KIAA1549L: variants seen among roughly 807,000 people sequenced by gnomAD.
KIAA1549L encodes UPF0606 protein KIAA1549L.
In KIAA1549L, 88 loss-of-function variants were observed where a neutral mutation model predicts 160.7. The observed-to-expected ratio is 0.55, with a 90% CI of 0.46 to 0.65. The LOEUF (loss-of-function observed/expected upper bound fraction) is 0.65. Among genes scored for constraint, KIAA1549L ranks in the 30% least tolerant of loss-of-function variants. The pLI is 0.00. For synonymous variants in KIAA1549L, 950 were observed against 976.7 expected (o/e 0.97, Z 0.51); for missense variants, 2,258 against 2,437.5 (o/e 0.93, Z 1.55).
chr11:33,543,325 G>C lies in KIAA1549L; in HGVS notation c.1762G>C (p.Glu588Gln). The change falls in exon 2 of 21, where the codon GAG becomes CAG. Residue 588 changes from glutamate (E) to glutamine (Q), a missense_variant. This residue lies in a region of KIAA1549L where 540 missense variants were observed against 465.7 expected (regional missense o/e 1.16). Coordinates refer to ENST00000658780, the MANE Select transcript of KIAA1549L (RefSeq NM_012194.3). ...TIPLQAFPRK[E>Q]VLSLHTVNGF... Reference sequence around the variant, plus strand: ...TCCTCTCCAGGCCTTTCCAAGGAAAGAGGTTTTGAGTCTTCACACTGTAAA... The same window carrying C: ...TCCTCTCCAGGCCTTTCCAAGGAAACAGGTTTTGAGTCTTCACACTGTAAA... 1.9e-6 allele frequency: 3 copies of C among 1,614,046 alleles called. No individual in the cohort carries two copies. Among genetic ancestry groups the C allele is most frequent in the East Asian group, 2.2e-5 (1 of 44,888 alleles).
chr11:33,381,318 C>A (rs937420758), intron 1 of KIAA1549L, among the ~76,000 whole-genome samples: 1 of 152,080 alleles, frequency 6.6e-6, no homozygotes, highest in Non-Finnish European at 1.5e-5. Flanking sequence ...CACACATGAA[C>A]TTGTCTAGAT....
chr11:33,508,209 G>A (rs552440915), intron 1 of KIAA1549L, among the ~76,000 whole-genome samples: 1 of 152,208 alleles, frequency 6.6e-6, no homozygotes, highest in Admixed American at 6.5e-5. Flanking sequence ...GGGAAGTGTA[G>A]TTTTTGGTTA....
At chr11:33,607,571 C>G (rs986900410) in intron 14 of KIAA1549L, among the ~76,000 whole-genome samples, 6 of 152,110 alleles carry the variant, frequency 3.9e-5, no homozygotes, top group African/African-American at 1.2e-4. Flanking sequence ...ACATGTGTGC[C>G]CAAGCATGTA....
At chr11:33,394,394 T>TA (rs1359882669) in intron 1 of KIAA1549L, among the ~76,000 whole-genome samples, 1 of 57,314 alleles carries the variant, frequency 1.7e-5, no homozygotes, top group Non-Finnish European at 3.0e-5. Flanking sequence ...TCATAAATAA[T>TA]AAATAAATAA....
rs1292446272 is a variant in KIAA1549L at position 33,407,266 on chromosome 11, A to G, written c.238+30377A>G. 4.0e-5 allele frequency among the ~76,000 whole-genome samples: 6 copies of G among 150,970 alleles called. No homozygotes were observed. The East Asian group carries it at 5.8e-4, about 15-fold the overall frequency. On this transcript the variant is annotated intron_variant, in intron 1 of 20. Transcript: ENST00000658780. ...CGCCCGGCTAATTTTTTGTATTTTT[A>G]GTAGAGACGGCGTTTCACCGTGTTA...
chr11:33,658,599 G>A lies in KIAA1549L; in HGVS notation c.5859-151G>A, dbSNP rs370447488. 1.9e-4 allele frequency: 141 copies of A among 725,100 alleles called. No homozygotes were observed. The East Asian group carries it at 2.5e-3, about 13-fold the overall frequency. 44.9% of individuals were successfully genotyped at this position (725,100 alleles called of 1,614,324 possible). On this transcript the variant is annotated intron_variant, in intron 18 of 20. Coordinates refer to ENST00000658780, the MANE Select transcript of KIAA1549L (RefSeq NM_012194.3). ...GCCCTGCTGGTGTTCCTAGAAGTCC[G>A]TTTGTTATCTGGGAATAAATCCAGT...
intron 1 of KIAA1549L, among the ~76,000 whole-genome samples, chr11:33,463,309 T>C (rs1272321009): frequency 6.6e-6 from 1 of 152,194 alleles, no homozygotes; most frequent in Non-Finnish European, 1.5e-5. Context: ...ACTCATCTGC[T>C]TTCCTTCTCT....
intron 15 of KIAA1549L, among the ~76,000 whole-genome samples, chr11:33,617,286 A>G (rs1005698158): frequency 1.3e-5 from 2 of 152,190 alleles, no homozygotes; most frequent in African/African-American, 2.4e-5. Flanking sequence ...CTTGTCCCCA[A>G]TAAGCCTCAC....
At chr11:33,497,989 T>C (rs1460559902) in intron 1 of KIAA1549L, among the ~76,000 whole-genome samples, 1 of 152,130 alleles carries the variant, frequency 6.6e-6, no homozygotes, top group African/African-American at 2.4e-5. Context: ...TATCTCCTCA[T>C]CTATAAATAC....
chr11:33,646,444 C>T (rs1590436026), intron 17 of KIAA1549L, among the ~76,000 whole-genome samples: 1 of 152,138 alleles, frequency 6.6e-6, no homozygotes, highest in Admixed American at 6.6e-5. Flanking sequence ...GGCTTTGAGC[C>T]AGATGGCTCG....
chr11:33,609,885 A>G lies in KIAA1549L; in HGVS notation c.5198A>G (p.Tyr1733Cys). The G allele has an allele frequency of 1.9e-6, 3 of 1,614,008 alleles. No homozygotes were observed. The highest frequency in any genetic ancestry group is 2.5e-6 in the Non-Finnish European group (3 of 1,179,870). Residue 1733 changes from tyrosine (Y) to cysteine (C), a missense_variant, in exon 15 of 21, where the codon TAT (tyrosine) becomes TGT (cysteine). Tyr to Cys is a radical substitution (Grantham distance 194). Around this residue, in one of 6 missense-constraint regions of KIAA1549L, gnomAD observed 1,359 missense variants for 1,546.6 expected, o/e 0.88. Transcript: ENST00000658780. ...SKGLTERKKM[Y>C]EKAPKEMEHV... is the part of the protein sequence containing the mutation. ...GGTCTGACCGAAAGAAAGAAGATGT[A>G]TGAAAAAGCCCCGAAGGAAATGGAG...
intron 1 of KIAA1549L, among the ~76,000 whole-genome samples, chr11:33,471,058 G>A (rs903947685): frequency 1.3e-5 from 2 of 151,694 alleles, no homozygotes; most frequent in Non-Finnish European, 2.9e-5. Flanking sequence ...TGGGCTCAAG[G>A]GATCCTCCTG....
Position 33,515,043 on chromosome 11 carries a change from C to T in KIAA1549L, c.239-26759C>T, listed in dbSNP as rs149755914. Among the ~76,000 whole-genome samples, 27 of 152,302 alleles carry T rather than the reference C, an allele frequency of 1.8e-4. 2 individuals carry two copies. In the East Asian group the frequency reaches 3.1e-3, roughly 17 times the overall value. On this transcript the variant is annotated intron_variant, in intron 1 of 20. Coordinates refer to ENST00000658780, the MANE Select transcript of KIAA1549L (RefSeq NM_012194.3). ...ACCATTCTCATCTCCCCCTCCCCCA[C>T]AGCAATGTTGCTATGTCCATAGAAA...
At position 33,671,795 on chromosome 11, in the gene KIAA1549L, T is replaced by TAAC. The variant is rs1322866476; in HGVS notation, c.*3643_*3645dup. On this transcript the variant is annotated 3_prime_UTR_variant, in exon 21 of 21. Transcript: ENST00000658780. ...GGTGCTCAACATTTAATGAATAATA[T>TAAC]AACAGATACTGTCTTAAAAGTTTAA... is the stretch of plus-strand genomic sequence containing the variant. The TAAC allele has an allele frequency of 2.0e-5, 3 of 152,238 alleles. No individual in the cohort carries two copies. The highest frequency in any genetic ancestry group is 7.2e-5 in the African/African-American group (3 of 41,460). 9.4% of individuals were successfully genotyped at this position (152,238 alleles called of 1,614,324 possible). A position where few individuals can be genotyped will look rare whatever the true frequency, so the allele number is the denominator to read the frequency against.
intron 7 of KIAA1549L, among the ~76,000 whole-genome samples, chr11:33,560,271 G>A (rs980905407): frequency 2.0e-5 from 3 of 152,162 alleles, no homozygotes; most frequent in African/African-American, 7.2e-5. Context: ...GCTCTAAGAG[G>A]TTTCACAAGA....
At position 33,671,915 on chromosome 11, in the gene KIAA1549L, A is replaced by G. The variant is rs1852684511; in HGVS notation, c.*3761A>G. On this transcript the variant is annotated 3_prime_UTR_variant, in exon 21 of 21. Coordinates refer to ENST00000658780, the MANE Select transcript of KIAA1549L (RefSeq NM_012194.3). ...AAACTACATCCAAATACTCTTAAGG[A>G]AAGAGTGTCATTTAGCTTGGAGTAG... 1 of 152,202 alleles carries G rather than the reference A, an allele frequency of 6.6e-6. No homozygotes were observed. The highest frequency in any genetic ancestry group is 1.5e-5 in the Non-Finnish European group (1 of 68,040). 9.4% of individuals were successfully genotyped at this position (152,202 alleles called of 1,614,324 possible).
chr11:33,659,612 A>G (rs914387117), intron 19 of KIAA1549L, among the ~76,000 whole-genome samples: 18 of 152,352 alleles, frequency 1.2e-4, no homozygotes, highest in African/African-American at 3.8e-4. Flanking sequence ...TTTTAGGCTA[A>G]AACTGCAAGC....
At chr11:33,441,003 T>C (rs922140481) in intron 1 of KIAA1549L, among the ~76,000 whole-genome samples, 2 of 152,140 alleles carry the variant, frequency 1.3e-5, no homozygotes, top group Non-Finnish European at 2.9e-5. Flanking sequence ...ATGTGCCATG[T>C]TGGTGTGCTA....
chr11:33,636,349 C>CTTTT (rs71034697), intron 16 of KIAA1549L, among the ~76,000 whole-genome samples: 9 of 136,132 alleles, frequency 6.6e-5, no homozygotes, highest in South Asian at 2.4e-4. Flanking sequence ...AATGAATCTT[C>CTTTT]TTTTTTTTTT....
Sources: allele counts gnomAD v4.1 joint callset (sites outside exome capture counted in the v4.1 genomes callset), GRCh38; gene constraint gnomAD v4.1.1; regional missense constraint gnomAD v4.1.1; transcripts MANE v1.5; gene names NCBI Gene and HGNC (gene_info 2026-07-23, HGNC 2026-07-21).